Variants in TMEM41B observed in about 807,000 individuals in gnomAD.
TMEM41B encodes transmembrane protein 41B, also known as protein stasimon.
TMEM41B carries 18 observed loss-of-function variants against 31.9 expected under a neutral mutation model. The observed-to-expected ratio is 0.56, with a 90% CI of 0.39 to 0.84. The LOEUF is 0.84. Among genes scored for constraint, TMEM41B ranks in the 40% least tolerant of loss-of-function variants. The pLI is 0.00. For missense variants in TMEM41B, 322 were observed against 348.0 expected, an observed-to-expected ratio of 0.93 and a Z score of 0.59; for synonymous variants, 144 against 124.3, an observed-to-expected ratio of 1.16 and a Z score of -1.05.
chr11:9,281,696 A>G lies in TMEM41B; in HGVS notation c.*1728T>C, dbSNP rs1359968332. ...AAAGCACTTTCATTTTTCCAGAACTATTTAAATACAGTAGTTGCCATGTGA... is the reference window on the plus strand; with the variant it reads ...AAAGCACTTTCATTTTTCCAGAACTGTTTAAATACAGTAGTTGCCATGTGA... On this transcript the variant is annotated 3_prime_UTR_variant, in exon 7 of 7. Coordinates refer to ENST00000528080, the MANE Select transcript of TMEM41B (RefSeq NM_015012.4). The G allele has an allele frequency of 6.6e-6, 1 of 152,222 alleles. No individual in the cohort carries two copies. The highest frequency in any genetic ancestry group is 2.4e-5 in the African/African-American group (1 of 41,462). The allele number at this position is 152,222 out of a possible 1,614,324, so 9.4% of individuals were successfully genotyped here.
intron 3 of TMEM41B, 134 bp from the exon 4 acceptor site, chr11:9,288,669 G>T: frequency 1.7e-6 from 1 of 596,934 alleles, no homozygotes. Context: ...TAGCCTCTAA[G>T]TTGACCATTT....
chr11:9,286,029 C>T (rs1320737556), intron 6 of TMEM41B, among the ~76,000 whole-genome samples: 1 of 152,172 alleles, frequency 6.6e-6, no homozygotes, highest in African/African-American at 2.4e-5. Context: ...GCAGGAGAAT[C>T]GCTTGAACCC....
chr11:9,311,318 G>C (rs1853555428), intron 1 of TMEM41B: 1 of 1,521,796 alleles, frequency 6.6e-7, no homozygotes, highest in Non-Finnish European at 9.0e-7. Flanking sequence ...AGGAATGCTT[G>C]CTATGCTTGT....
intron 6 of TMEM41B, among the ~76,000 whole-genome samples, chr11:9,284,331 CAA>C (rs1464792661): frequency 2.6e-5 from 4 of 151,642 alleles, no homozygotes; most frequent in Admixed American, 2.0e-4. Context: ...AATTTTTTGT[CAA>C]GAGAGGGGGT....
rs1286318643 is a variant in TMEM41B at position 9,314,544 on chromosome 11, T to C, written c.-103A>G. 6 of 1,431,408 alleles carry C rather than the reference T, an allele frequency of 4.2e-6. No homozygotes were observed. In the African/African-American group the frequency reaches 8.7e-5, roughly 21 times the overall value. The allele number at this position is 1,431,408 out of a possible 1,614,324, so 88.7% of individuals were successfully genotyped here. A position where few individuals can be genotyped will look rare whatever the true frequency, so the allele number is the denominator to read the frequency against. On this transcript the variant is annotated 5_prime_UTR_variant, in exon 1 of 7. Coordinates refer to ENST00000528080, the MANE Select transcript of TMEM41B (RefSeq NM_015012.4). ...GCCGAAGCGCCACGGCTAGAGCCACTTCCGGCGCGACCTCCTCACCCGAGA... is the reference window on the plus strand; with the variant it reads ...GCCGAAGCGCCACGGCTAGAGCCACCTCCGGCGCGACCTCCTCACCCGAGA...
intron 5 of TMEM41B, 79 bp downstream of exon 5, chr11:9,287,623 G>T: frequency 2.2e-6 from 2 of 895,652 alleles, no homozygotes; most frequent in South Asian, 1.6e-5. Context: ...AATACATGTA[G>T]TTAATTCATG....
chr11:9,308,974 C>T (rs534862241), intron 1 of TMEM41B, among the ~76,000 whole-genome samples: 9 of 152,114 alleles, frequency 5.9e-5, no homozygotes, highest in African/African-American at 1.9e-4. Context: ...CCTGGCCGGG[C>T]GTGGGGCTAA....
At chr11:9,298,484 G>A (rs1853155433) in intron 2 of TMEM41B, among the ~76,000 whole-genome samples, 1 of 151,224 alleles carries the variant, frequency 6.6e-6, no homozygotes, top group African/African-American at 2.4e-5. Context: ...AAAATTGTGG[G>A]CTGGGCACAG....
chr11:9,287,572 T>G, intron 5 of TMEM41B, 130 bp downstream of exon 5: 1 of 576,230 alleles, frequency 1.7e-6, no homozygotes, highest in Non-Finnish European at 2.9e-6. Flanking sequence ...AAGATAATTC[T>G]TATTACTTGA....
intron 5 of TMEM41B, 26 bp from the exon 6 acceptor site, chr11:9,286,619 C>A: frequency 6.3e-7 from 1 of 1,576,554 alleles, no homozygotes; most frequent in Non-Finnish European, 8.6e-7. Flanking sequence ...AAAGAATTAG[C>A]ATCAGATGAG....
At chr11:9,291,568 A>AT (rs1312615801) in intron 3 of TMEM41B, among the ~76,000 whole-genome samples, 12 of 150,672 alleles carry the variant, frequency 8.0e-5, no homozygotes, top group African/African-American at 2.7e-4. Context: ...CGCCCAGCTA[A>AT]TTTTTTTTAT....
Position 9,314,425 on chromosome 11 carries a change from A to C in TMEM41B, c.17T>G (p.Val6Gly), listed in dbSNP as rs1237956357. The C allele has an allele frequency of 1.9e-6, 3 of 1,559,824 alleles. No homozygotes were observed. The South Asian group carries it at 3.5e-5, about 18-fold the overall frequency. The change falls in exon 1 of 7, where the codon GTC becomes GGC. Residue 6 changes from valine (V) to glycine (G), a missense_variant. Val to Gly is a moderately radical substitution (Grantham distance 109). Around this residue, in one of 3 missense-constraint regions of TMEM41B, gnomAD observed 183 missense variants for 175.3 expected, o/e 1.04. Transcript: ENST00000528080. MAKGR[V>G]AERSQLGAHH... ...AGCGCCCAACTGCGATCGTTCGGCG[A>C]CTCTGCCTTTCGCCATGGCTGCTGC...
chr11:9,295,422 T>C (rs1853061780), intron 2 of TMEM41B, 35 bp from the exon 3 acceptor site: 2 of 1,347,600 alleles, frequency 1.5e-6, no homozygotes, highest in African/African-American at 1.5e-5. Context: ...TAGAACAGAA[T>C]TTTGCCAAGA....
intron 2 of TMEM41B, among the ~76,000 whole-genome samples, chr11:9,298,063 CAAAAAA>C (rs34802416): frequency 2.4e-5 from 2 of 83,938 alleles, no homozygotes; most frequent in East Asian, 3.5e-4. Context: ...GACCCTGCCT[CAAAAAA>C]AAAAAAAAAA....
intron 1 of TMEM41B, among the ~76,000 whole-genome samples, chr11:9,307,337 T>C (rs765720054): frequency 7.2e-5 from 11 of 152,228 alleles, no homozygotes; most frequent in African/African-American, 9.6e-5. Flanking sequence ...CACTGTAATA[T>C]TGTCAGAAAT....
chr11:9,294,415 A>G (rs1178412083), intron 3 of TMEM41B, among the ~76,000 whole-genome samples: 1 of 151,718 alleles, frequency 6.6e-6, no homozygotes, highest in East Asian at 1.9e-4. Flanking sequence ...GAATCGCTTG[A>G]ACCTAGGAGG....
intron 1 of TMEM41B, among the ~76,000 whole-genome samples, chr11:9,310,574 A>T (rs138532632): frequency 6.6e-6 from 1 of 152,074 alleles, no homozygotes; most frequent in Admixed American, 6.6e-5. Flanking sequence ...CTTGCTAGTA[A>T]ATACATAGGT....
intron 2 of TMEM41B, among the ~76,000 whole-genome samples, chr11:9,296,285 A>G (rs553814022): frequency 6.6e-6 from 1 of 152,202 alleles, no homozygotes; most frequent in Non-Finnish European, 1.5e-5. Flanking sequence ...CAAGGGTTAA[A>G]GGCATTTGTT....
chr11:9,307,897 C>T (rs974664022), intron 1 of TMEM41B, among the ~76,000 whole-genome samples: 2 of 152,072 alleles, frequency 1.3e-5, no homozygotes, highest in African/African-American at 4.8e-5. Flanking sequence ...AGGCACCACC[C>T]GCCACCTCTC....
Sources: gnomAD v4.1 joint callset for allele counts (sites outside exome capture counted in the v4.1 genomes callset) on GRCh38, gnomAD v4.1.1 for gene constraint, gnomAD v4.1.1 regional missense constraint, MANE v1.5 for transcripts, NCBI Gene and HGNC (gene_info 2026-07-23, HGNC 2026-07-21) for gene names.